OGDH: variants seen among roughly 807,000 people sequenced by gnomAD.
The protein encoded by OGDH is 2-oxoglutarate dehydrogenase complex component E1.
A neutral mutation model predicts 116.6 loss-of-function variants in OGDH; 38 were observed. That is an observed-to-expected ratio of 0.33 (90% CI 0.25 to 0.43). The LOEUF (loss-of-function observed/expected upper bound fraction) is 0.43, where lower values mean the gene tolerates loss of function less well. OGDH is among the 20% of genes least tolerant of loss of function. OGDH has a pLI of 1.00. For synonymous variants in OGDH, 488 were observed against 533.3 expected (o/e 0.92, Z 1.17); for missense variants, 825 against 1,357.2 (o/e 0.61, Z 6.16).
intron 10 of OGDH, among the ~76,000 whole-genome samples, chr7:44,690,201 A>C (rs1788308854): frequency 6.6e-6 from 1 of 152,248 alleles, no homozygotes; most frequent in Non-Finnish European, 1.5e-5. Context: ...AAGAACTCCT[A>C]ACAGTGAGAC....
At chr7:44,658,730 A>G (rs1562647162) in intron 4 of OGDH, among the ~76,000 whole-genome samples, 2 of 152,154 alleles carry the variant, frequency 1.3e-5, no homozygotes, top group African/African-American at 4.8e-5. Flanking sequence ...TATCAAGCTG[A>G]GGAAGTTCCT....
Position 44,635,975 on chromosome 7 carries a change from T to C in OGDH, c.223-9352T>C, listed in dbSNP as rs2005739. 4.4e-3 allele frequency among the ~76,000 whole-genome samples: 669 copies of C among 152,348 alleles called. 8 individuals are homozygous for C. The highest frequency in any genetic ancestry group is 0.015 in the African/African-American group (613 of 41,580). ...GCCTCAGCCTCCCAGAATGCTGGGA[T>C]TGCAGGCGTGAGCCACTACACCTGG... is the stretch of plus-strand genomic sequence containing the variant. On this transcript the variant is annotated intron_variant, in intron 2 of 22. Coordinates refer to ENST00000222673, the MANE Select transcript of OGDH (RefSeq NM_002541.4).
At chr7:44,640,254 G>T (rs911707024) in intron 2 of OGDH, among the ~76,000 whole-genome samples, 1 of 152,088 alleles carries the variant, frequency 6.6e-6, no homozygotes. Context: ...TTTAAGCGTC[G>T]CTCTGCTATT....
intron 5 of OGDH, among the ~76,000 whole-genome samples, chr7:44,668,830 G>T (rs140868536): frequency 3.9e-5 from 6 of 152,128 alleles, no homozygotes; most frequent in African/African-American, 1.4e-4. Context: ...TTGATACATC[G>T]GGTCAAATAA....
At chr7:44,689,208 C>CTTT (rs367897508) in intron 10 of OGDH, among the ~76,000 whole-genome samples, 94 of 101,320 alleles carry the variant, frequency 9.3e-4, no homozygotes, top group Non-Finnish European at 1.2e-3. Context: ...ATCAGGGTTC[C>CTTT]TTTTTTTTTT....
At chr7:44,618,732 T>C (rs190610451) in intron 1 of OGDH, among the ~76,000 whole-genome samples, 124 of 152,276 alleles carry the variant, frequency 8.1e-4, no homozygotes, top group Non-Finnish European at 1.7e-3. Flanking sequence ...AGGGAGGCCA[T>C]AGAAACTAAA....
Position 44,696,871 on chromosome 7 carries a change from C to G in OGDH, c.1901-43C>G, listed in dbSNP as rs759299917. On this transcript the variant is annotated intron_variant, in intron 14 of 22. Coordinates refer to ENST00000222673, the MANE Select transcript of OGDH (RefSeq NM_002541.4). ...CGCTGAGAAGCAAGGCAGGCATGTG[C>G]AGGCAGGGCCTGCAGCAGCTGGTGA... 7.7e-6 allele frequency: 12 copies of G among 1,560,214 alleles called. No individual in the cohort carries two copies. The African/African-American group carries it at 1.1e-4, about 14-fold the overall frequency.
chr7:44,645,627 C>G (rs1463107556), intron 3 of OGDH, 109 bp downstream of exon 3: 2 of 1,012,414 alleles, frequency 2.0e-6, no homozygotes, highest in African/African-American at 3.3e-5. Context: ...TTACTTATAC[C>G]TCCTCAAATA....
At chr7:44,674,735 C>T in intron 7 of OGDH, 178 bp downstream of exon 7, 3 of 669,592 alleles carry the variant, frequency 4.5e-6, no homozygotes, top group Admixed American at 5.8e-5. Context: ...TTGCCTGCCT[C>T]TGGAGGACTG....
intron 1 of OGDH, among the ~76,000 whole-genome samples, chr7:44,614,268 TCTCTCTGGCTGCCTTCAAGGTTTTGG>T: frequency 6.6e-6 from 1 of 151,498 alleles, no homozygotes; most frequent in Non-Finnish European, 1.5e-5. Context: ...ATGCACCATT[TCTCTCTGGCTGCCTTCAAGGTTTTGG>T]TTTTTTTTGT....
chr7:44,695,486 C>A (rs1230494112), intron 12 of OGDH, among the ~76,000 whole-genome samples: 1 of 152,096 alleles, frequency 6.6e-6, no homozygotes, highest in Non-Finnish European at 1.5e-5. Flanking sequence ...GCAGGTGGAT[C>A]ATGAGGTCAA....
intron 5 of OGDH, 66 bp from the exon 6 acceptor site, chr7:44,673,721 C>T (rs1049145960): frequency 1.5e-5 from 23 of 1,511,562 alleles, no homozygotes; most frequent in African/African-American, 5.5e-5. Context: ...AATGGGCAGT[C>T]GGCAGTCTTC....
At chr7:44,623,525 C>G (rs1053171192) in intron 1 of OGDH, among the ~76,000 whole-genome samples, 4 of 152,204 alleles carry the variant, frequency 2.6e-5, no homozygotes, top group African/African-American at 9.7e-5. Context: ...AATCCTAATC[C>G]TAATTCTAAA....
chr7:44,632,314 T>C (rs1321707154), intron 2 of OGDH, among the ~76,000 whole-genome samples: 2 of 152,030 alleles, frequency 1.3e-5, no homozygotes, highest in Non-Finnish European at 2.9e-5. Context: ...CTCTTCTTTT[T>C]GAGACAGGGT....
intron 9 of OGDH, among the ~76,000 whole-genome samples, chr7:44,678,478 A>G (rs1307872245): frequency 6.6e-6 from 1 of 152,256 alleles, no homozygotes; most frequent in Admixed American, 6.5e-5. Flanking sequence ...TTAAACTGCT[A>G]CAGATGGTCA....
chr7:44,608,024 C>A (rs1351507355), intron 1 of OGDH, among the ~76,000 whole-genome samples: 1 of 152,008 alleles, frequency 6.6e-6, no homozygotes, highest in Non-Finnish European at 1.5e-5. Flanking sequence ...TTTAAGCGCA[C>A]TTTTCACATT....
chr7:44,672,961 C>T (rs937055247), intron 5 of OGDH, among the ~76,000 whole-genome samples: 1 of 152,088 alleles, frequency 6.6e-6, no homozygotes, highest in Non-Finnish European at 1.5e-5. Flanking sequence ...CTTCTAAGAG[C>T]CTGGTGCCTC....
chr7:44,648,592 T>G (rs1033360643), intron 4 of OGDH, among the ~76,000 whole-genome samples: 1 of 152,192 alleles, frequency 6.6e-6, no homozygotes, highest in Non-Finnish European at 1.5e-5. Flanking sequence ...TGCCTAATAC[T>G]CCTCTTGGGA....
Position 44,694,293 on chromosome 7 carries a change from T to TA in OGDH, c.1516-128dup. The TA allele has an allele frequency of 8.7e-7, 1 of 1,152,610 alleles. No homozygotes were observed. The allele number at this position is 1,152,610 out of a possible 1,614,324, so 71.4% of individuals were successfully genotyped here. On this transcript the variant is annotated intron_variant, in intron 11 of 22. Transcript: ENST00000222673. The surrounding 1 kb of genome is among the most constrained non-coding windows in gnomAD (Gnocchi z 4.2). ...CACAGAATCCTAATTCTAGAGAAGG[T>TA]AAACTCCAGGGCAGGCATGAGGAAT...
Sources: gnomAD v4.1 joint callset for allele counts (sites outside exome capture counted in the v4.1 genomes callset) on GRCh38, gnomAD v4.1.1 for gene constraint, Gnocchi (gnomAD v3.1) non-coding constraint, MANE v1.5 for transcripts, NCBI Gene and HGNC (gene_info 2026-07-23, HGNC 2026-07-21) for gene names.